The following TMEM131 variants were observed in gnomAD, a reference collection of about 807,000 sequenced individuals.
TMEM131 encodes the protein transmembrane protein 131, also known as 2610524E03Rik.
A neutral mutation model predicts 211.6 loss-of-function variants in TMEM131; 66 were observed. The ratio of observed to expected loss-of-function variants is 0.31; its 90% CI spans 0.26 to 0.38. The LOEUF (loss-of-function observed/expected upper bound fraction) is 0.38. TMEM131 is among the 10% of genes least tolerant of loss of function. TMEM131 has a pLI of 1.00. For missense variants in TMEM131, 2,036 were observed against 2,299.3 expected (o/e 0.89, Z 2.34); for synonymous variants, 844 against 841.3 (o/e 1.00, Z -0.06).
intron 22 of TMEM131, among the ~76,000 whole-genome samples, 159 bp from the exon 23 acceptor site, chr2:97,802,949 T>C (rs1681104599): frequency 6.6e-6 from 1 of 152,242 alleles, no homozygotes. Flanking sequence ...TAATGCTATA[T>C]GATGTCTCTA....
chr2:97,901,312 C>T lies in TMEM131; in HGVS notation c.290+7346G>A, dbSNP rs112509982. Among the ~76,000 whole-genome samples the T allele has an allele frequency of 6.9e-4, 105 of 152,108 alleles. 1 individual carries two copies. Among genetic ancestry groups the T allele is most frequent in the Non-Finnish European group, 1.2e-3 (82 of 68,002 alleles). On this transcript the variant is annotated intron_variant, in intron 3 of 40. Coordinates refer to ENST00000186436, the MANE Select transcript of TMEM131 (RefSeq NM_015348.2). ...CCTACATCAATGTCTTGGAACATTT[C>T]CTCTACGTTTTCTTCAAGTAGTTTT...
chr2:97,863,148 C>A (rs544733945), intron 4 of TMEM131, among the ~76,000 whole-genome samples: 1 of 152,288 alleles, frequency 6.6e-6, no homozygotes, highest in African/African-American at 2.4e-5. Context: ...AATAGTATAT[C>A]TGGCAAAAAT....
chr2:97,841,303 C>G (rs1177507023), intron 7 of TMEM131, among the ~76,000 whole-genome samples: 1 of 152,226 alleles, frequency 6.6e-6, no homozygotes, highest in Non-Finnish European at 1.5e-5. Flanking sequence ...AAAACAATTA[C>G]TGCTAGAAGA....
chr2:97,805,412 C>T lies in TMEM131; in HGVS notation c.2248G>A (p.Asp750Asn), dbSNP rs907407006. 6.2e-7 allele frequency: 1 copy of T among 1,613,788 alleles called. No individual in the cohort carries two copies. The highest frequency in any genetic ancestry group is 8.5e-7 in the Non-Finnish European group (1 of 1,179,838). The change falls in exon 21 of 41, where the codon GAT (aspartate) becomes AAT (asparagine). Residue 750 changes from aspartate (D) to asparagine (N), a missense_variant. Physicochemically the swap from Asp to Asn is conservative, Grantham distance 23. Transcript: ENST00000186436. The stretch of plus-strand genomic sequence containing the variant: ...AAAGGCAAGCCAACATAGCAATGAT[C>T]CCCACACTGTAGTCCAGGATCAAAA... ...IYFDPGLQCG[D>N]HCYVGLPFLS...
chr2:97,843,723 C>T (rs1285675359), intron 6 of TMEM131, among the ~76,000 whole-genome samples: 1 of 152,108 alleles, frequency 6.6e-6, no homozygotes, highest in Non-Finnish European at 1.5e-5. Context: ...CTCCTATATA[C>T]ATTAACTTTC....
rs1347292298 is a variant in TMEM131, at chr2:97,758,434, G to GA, written c.5367+458dup. Among the ~76,000 whole-genome samples the GA allele has an allele frequency of 2.6e-5, 4 of 152,216 alleles. 1 individual carries two copies. Among genetic ancestry groups the GA allele is most frequent in the East Asian group, 3.9e-4 (2 of 5,194 alleles). ...CCAAGAAGCAAACAAATGCACTCTT[G>GA]AAAATCTAACCTAAGAGACAGGTGC... On this transcript the variant is annotated intron_variant, in intron 40 of 40. Transcript: ENST00000186436.
chr2:97,820,718 G>A (rs1292741543), intron 11 of TMEM131, among the ~76,000 whole-genome samples: 3 of 152,060 alleles, frequency 2.0e-5, no homozygotes, highest in African/African-American at 4.8e-5. Flanking sequence ...TTAGCCAGGC[G>A]TGGTGGTGGG....
chr2:97,761,750 T>G, intron 36 of TMEM131: 2 of 314,344 alleles, frequency 6.4e-6, no homozygotes, highest in African/African-American at 2.2e-5. Context: ...TAAATGTTCA[T>G]TGGCTCACTG....
chr2:97,957,051 C>T (rs1157867099), intron 1 of TMEM131, among the ~76,000 whole-genome samples: 4 of 150,618 alleles, frequency 2.7e-5, no homozygotes, highest in African/African-American at 9.8e-5. Context: ...AAGCCGAGAT[C>T]GCGCCACTGC....
rs1265625523 is a variant in TMEM131 at position 97,805,188 on chromosome 2, G to C, written c.2302C>G (p.Pro768Ala). The change falls in exon 22 of 41, where the codon CCT (proline) becomes GCT (alanine). Residue 768 changes from proline (P) to alanine (A), a missense_variant. By Grantham distance (27) the Pro-to-Ala change is conservative. Transcript: ENST00000186436. ...FLSKSEPKVQ[P>A]GVAMQEDMWD... is the part of the protein sequence containing the mutation. ...ATATCTTCCTGCATGGCTACACCAG[G>C]CTGCACTTTGGGTTCAGCTAAAACA... is the stretch of plus-strand genomic sequence containing the variant. 6.2e-7 allele frequency: 1 copy of C among 1,613,130 alleles called. No homozygotes were observed. Among genetic ancestry groups the C allele is most frequent in the Admixed American group, 1.7e-5 (1 of 59,786 alleles).
intron 32 of TMEM131, among the ~76,000 whole-genome samples, chr2:97,774,370 G>C (rs955973085): frequency 6.6e-6 from 1 of 152,248 alleles, no homozygotes; most frequent in African/African-American, 2.4e-5. Flanking sequence ...AAGAGAAAAT[G>C]ACCTATCAAA....
intron 2 of TMEM131, among the ~76,000 whole-genome samples, chr2:97,912,609 G>C: frequency 6.6e-6 from 1 of 152,158 alleles, no homozygotes; most frequent in Admixed American, 6.5e-5. Context: ...CTTTAGAACA[G>C]ACAAGATATA....
At chr2:97,788,967 T>A (rs1379760726) in intron 31 of TMEM131, among the ~76,000 whole-genome samples, 1 of 152,230 alleles carries the variant, frequency 6.6e-6, no homozygotes, top group Non-Finnish European at 1.5e-5. Flanking sequence ...TGCATACTTT[T>A]TTCTTGTTAA....
Position 97,757,442 on chromosome 2 carries a change from A to G in TMEM131, c.5368-59T>C, listed in dbSNP as rs148758708. 2.6e-5 allele frequency: 39 copies of G among 1,517,704 alleles called. No individual in the cohort carries two copies. The East Asian group carries it at 7.5e-4, about 29-fold the overall frequency. The allele number at this position is 1,517,704 out of a possible 1,614,324, so 94.0% of individuals were successfully genotyped here. ...CCGGCAGGCAGAGGGTCAAGTGGGT[A>G]AGGGGGTAAGGCTACAGAAAAGATG... On this transcript the variant is annotated intron_variant, in intron 40 of 40. Coordinates refer to ENST00000186436, the MANE Select transcript of TMEM131 (RefSeq NM_015348.2).
intron 3 of TMEM131, among the ~76,000 whole-genome samples, chr2:97,891,810 G>A (rs1675385655): frequency 6.6e-6 from 1 of 152,110 alleles, no homozygotes; most frequent in African/African-American, 2.4e-5. Context: ...TTGTGGAAAT[G>A]CAGATTCTGG....
At chr2:97,961,698 C>G (rs1237547757) in intron 1 of TMEM131, among the ~76,000 whole-genome samples, 2 of 152,112 alleles carry the variant, frequency 1.3e-5, no homozygotes, top group African/African-American at 2.4e-5. Context: ...ATCAACAGAA[C>G]AGAATTGAAA....
intron 19 of TMEM131, among the ~76,000 whole-genome samples, chr2:97,806,936 G>A (rs777063414): frequency 3.9e-5 from 6 of 152,140 alleles, no homozygotes; most frequent in East Asian, 1.9e-4. Context: ...CTGCAATGCC[G>A]ACAGGAGCCC....
At chr2:97,834,475 T>C (rs894600413) in intron 10 of TMEM131, 146 bp downstream of exon 10, 7 of 685,680 alleles carry the variant, frequency 1.0e-5, no homozygotes, top group African/African-American at 1.9e-5. Flanking sequence ...AGGCGCTGAG[T>C]CTGAAAAGGA....
chr2:97,793,489 G>A lies in TMEM131; in HGVS notation c.3451C>T (p.Arg1151Ter). 6.2e-7 allele frequency: 1 copy of A among 1,613,900 alleles called. No homozygotes were observed. The highest frequency in any genetic ancestry group is 8.5e-7 in the Non-Finnish European group (1 of 1,179,862). Residue 1151 changes from arginine (R) to a stop codon, truncating the protein, a stop_gained, in exon 30 of 41, where the codon CGA becomes TGA. Coordinates refer to ENST00000186436, the MANE Select transcript of TMEM131 (RefSeq NM_015348.2). LOFTEE classifies it high-confidence loss of function. ...GAGGCCTCAAAGGATAGCCGCCTTC[G>A]AAATGGCTCCCATATTCCTTGAGCT... ...LEAQGIWEPF[R>*]RRLSFEASNP... is the part of the protein sequence containing the mutation.
Sources: allele counts gnomAD v4.1 joint callset (sites outside exome capture counted in the v4.1 genomes callset), GRCh38; gene constraint gnomAD v4.1.1; transcripts MANE v1.5; gene names NCBI Gene and HGNC (gene_info 2026-07-23, HGNC 2026-07-21).